SIM2: variants seen among roughly 807,000 people sequenced by gnomAD.
SIM2 encodes the protein SIM bHLH transcription factor 2, also known as single-minded homolog 2.
A neutral mutation model predicts 64.8 loss-of-function variants in SIM2; 28 were observed. That is an observed-to-expected ratio of 0.43 (90% CI 0.32 to 0.59). The LOEUF (loss-of-function observed/expected upper bound fraction) is 0.59. SIM2 is among the 20% of genes least tolerant of loss of function. The pLI, the probability that SIM2 is intolerant of heterozygous loss-of-function variation, is 0.07. For missense variants in SIM2, 847 were observed against 871.4 expected, an observed-to-expected ratio of 0.97 and a Z score of 0.35; for synonymous variants, 408 against 391.1, an observed-to-expected ratio of 1.04 and a Z score of -0.51.
chr21:36,701,744 C>T (rs2088501180), intron 1 of SIM2, among the ~76,000 whole-genome samples: 1 of 152,198 alleles, frequency 6.6e-6, no homozygotes, highest in South Asian at 2.1e-4. Flanking sequence ...GGGATGATTC[C>T]ACTCCGGTTG....
intron 1 of SIM2, among the ~76,000 whole-genome samples, chr21:36,703,724 G>A (rs2088538355): frequency 6.6e-6 from 1 of 152,244 alleles, no homozygotes; most frequent in Non-Finnish European, 1.5e-5. Flanking sequence ...GGCTGGGGCA[G>A]CGCTGAGGTC....
Position 36,743,560 on chromosome 21 carries a change from C to T in SIM2, c.1167+5C>T, listed in dbSNP as rs113607866. ...ACAAACCCTTACCCCCCACAGGTAA[C>T]ACGCATGTCCTGCAGTTTTGGGGTG... On this transcript the variant is annotated splice_donor_5th_base_variant and intron_variant, in intron 9 of 10. Transcript: ENST00000290399. 7.4e-6 allele frequency: 12 copies of T among 1,612,284 alleles called. No individual in the cohort carries two copies. The highest frequency in any genetic ancestry group is 2.7e-5 in the African/African-American group (2 of 75,000).
At chr21:36,702,056 G>C (rs1014842505) in intron 1 of SIM2, among the ~76,000 whole-genome samples, 4 of 152,202 alleles carry the variant, frequency 2.6e-5, no homozygotes, top group Admixed American at 1.3e-4. Flanking sequence ...GGGATTTCCC[G>C]GAGAGCCTGT....
At chr21:36,706,474 C>T (rs1040540622) in intron 1 of SIM2, among the ~76,000 whole-genome samples, 1 of 152,202 alleles carries the variant, frequency 6.6e-6, no homozygotes, top group Non-Finnish European at 1.5e-5. Context: ...AGCCGCTAAC[C>T]CCGAGGCGCC....
chr21:36,720,297 C>T (rs1813782862), intron 4 of SIM2: 1 of 206,066 alleles, frequency 4.9e-6, no homozygotes. Context: ...ACTCGGGGGT[C>T]GGGGGTGGTC....
chr21:36,741,330 C>T (rs975573151), intron 7 of SIM2, among the ~76,000 whole-genome samples: 2 of 152,212 alleles, frequency 1.3e-5, no homozygotes, highest in African/African-American at 4.8e-5. Context: ...TCACTCACCC[C>T]CCCTCCCCAT....
rs1222714597 is a variant in SIM2 at position 36,715,072 on chromosome 21, T to C, written c.348+2450T>C. 2.0e-5 allele frequency among the ~76,000 whole-genome samples: 3 copies of C among 152,220 alleles called. No individual in the cohort carries two copies. In the East Asian group the frequency reaches 5.8e-4, roughly 29 times the overall value. On this transcript the variant is annotated intron_variant, in intron 3 of 10. Transcript: ENST00000290399. ...AGATAAGTCAAACTGATCATTTGCA[T>C]AGAGCAACTGATTTTTTCTGATTTC...
chr21:36,702,572 C>A (rs1409616677), intron 1 of SIM2, among the ~76,000 whole-genome samples: 1 of 152,232 alleles, frequency 6.6e-6, no homozygotes, highest in Admixed American at 6.5e-5. Context: ...TTTAGAAAGA[C>A]CTCCATTATG....
In SIM2 at chr21:36,747,623, C is replaced by G; in HGVS notation, c.1577-42C>G. 1 of 1,192,570 alleles carries G rather than the reference C, an allele frequency of 8.4e-7. No individual in the cohort carries two copies. The highest frequency in any genetic ancestry group is 3.6e-5 in the East Asian group (1 of 28,084). The allele number at this position is 1,192,570 out of a possible 1,614,324, so 73.9% of individuals were successfully genotyped here. Reference sequence around the variant, plus strand: ...GGCTTGGGGGTGGGGTGGCTGCGGCCGCGCCCCTTGCTGCCCTCTAACGTG... The same window carrying G: ...GGCTTGGGGGTGGGGTGGCTGCGGCGGCGCCCCTTGCTGCCCTCTAACGTG... On this transcript the variant is annotated intron_variant, in intron 10 of 10. Coordinates refer to ENST00000290399, the MANE Select transcript of SIM2 (RefSeq NM_005069.6). This position sits in a 1 kb window ranked among gnomAD's most constrained non-coding sequence, Gnocchi z 4.5.
At position 36,706,609 on chromosome 21, in the gene SIM2, T is replaced by A. The variant is rs1190202153; in HGVS notation, c.176-2559T>A. On this transcript the variant is annotated intron_variant, in intron 1 of 10. Coordinates refer to ENST00000290399, the MANE Select transcript of SIM2 (RefSeq NM_005069.6). ...ATCACTTTACAGTATCAAGACAATT[T>A]TCTTTCGTTACAAATCTTTATTTAG... 2.0e-5 allele frequency among the ~76,000 whole-genome samples: 3 copies of A among 152,270 alleles called. No individual in the cohort carries two copies. The East Asian group carries it at 5.8e-4, about 29-fold the overall frequency.
rs773839597 is a variant in SIM2, at chr21:36,743,486, T to C, written c.1098T>C (p.Thr366=). 3.7e-5 allele frequency: 59 copies of C among 1,614,020 alleles called. No homozygotes were observed. In the South Asian group the frequency reaches 6.5e-4, roughly 18 times the overall value. ...CCGCCTTGTCTACCTCACAAGAAAC[T>C]AGGAAATTAGTGAAACCCAAAAATA... is the stretch of plus-strand genomic sequence containing the variant. The part of the protein sequence containing the change: ...WRTALSTSQE[T]RKLVKPKNTK... The change falls in exon 9 of 11, where the codon ACT becomes ACC. Residue 366 remains threonine (T), a synonymous_variant. Transcript: ENST00000290399.
At chr21:36,713,464 C>G (rs1377160018) in intron 3 of SIM2, among the ~76,000 whole-genome samples, 7 of 152,170 alleles carry the variant, frequency 4.6e-5, no homozygotes, top group Admixed American at 4.6e-4. Flanking sequence ...TTAAAAGTCA[C>G]ATTTTAAACT....
intron 7 of SIM2, among the ~76,000 whole-genome samples, chr21:36,740,109 A>ATT (rs1310487729): frequency 1.4e-5 from 2 of 140,452 alleles, no homozygotes; most frequent in African/African-American, 2.6e-5. Flanking sequence ...TTGGCCTTTC[A>ATT]TTTTTTTTTT....
intron 7 of SIM2, among the ~76,000 whole-genome samples, chr21:36,737,763 C>T (rs2123489573): frequency 6.6e-6 from 1 of 151,942 alleles, no homozygotes; most frequent in Non-Finnish European, 1.5e-5. Context: ...AGTTTGAGAC[C>T]AGCCTGGCCA....
At chr21:36,706,599 C>G (rs1325614379) in intron 1 of SIM2, among the ~76,000 whole-genome samples, 1 of 152,254 alleles carries the variant, frequency 6.6e-6, no homozygotes, top group Non-Finnish European at 1.5e-5. Flanking sequence ...TTTACAGTAT[C>G]AAGACAATTT....
At chr21:36,738,065 G>T (rs1276005018) in intron 7 of SIM2, among the ~76,000 whole-genome samples, 1 of 151,756 alleles carries the variant, frequency 6.6e-6, no homozygotes, top group Non-Finnish European at 1.5e-5. Context: ...AGCTTAGCGA[G>T]CACTAGTCCT....
intron 3 of SIM2, among the ~76,000 whole-genome samples, chr21:36,713,172 G>C (rs1450111998): frequency 6.6e-6 from 1 of 152,188 alleles, no homozygotes; most frequent in Non-Finnish European, 1.5e-5. Flanking sequence ...ATATGCTTGT[G>C]ATAGAAACTC....
chr21:36,745,167 G>A lies in SIM2; in HGVS notation c.1576+31G>A. The A allele has an allele frequency of 1.3e-6, 2 of 1,591,482 alleles. No individual in the cohort carries two copies. Among genetic ancestry groups the A allele is most frequent in the East Asian group, 2.3e-5 (1 of 43,888 alleles). On this transcript the variant is annotated intron_variant, in intron 10 of 10. Transcript: ENST00000290399. This position sits in a 1 kb window ranked among gnomAD's most constrained non-coding sequence, Gnocchi z 4.8. ...TCAGGTCTGCTCGTGGGGAAGGTGG[G>A]AGGACTGCGCACGGCCGGGAGCCGA...
chr21:36,710,969 GA>G (rs962738432), intron 2 of SIM2, among the ~76,000 whole-genome samples: 40 of 152,336 alleles, frequency 2.6e-4, no homozygotes, highest in Middle Eastern at 6.8e-3. Flanking sequence ...GAACTTCAAT[GA>G]AAACCTGGCT....
Sources: allele counts gnomAD v4.1 joint callset (sites outside exome capture counted in the v4.1 genomes callset), GRCh38; gene constraint gnomAD v4.1.1; non-coding constraint Gnocchi (gnomAD v3.1); transcripts MANE v1.5; gene names NCBI Gene and HGNC (gene_info 2026-07-23, HGNC 2026-07-21).